Variants in CHDH observed in about 807,000 individuals in gnomAD.
The protein encoded by CHDH is choline dehydrogenase, also known as choline dehydrogenase, mitochondrial.
Under a neutral mutation model 56.9 loss-of-function variants are expected in CHDH, and 43 were observed. The ratio of observed to expected loss-of-function variants is 0.76; its 90% CI spans 0.59 to 0.97. CHDH has a LOEUF of 0.97. Among genes scored for constraint, CHDH ranks in the 50% least tolerant of loss-of-function variants. CHDH has a pLI of 0.00. For synonymous variants in CHDH, 364 were observed against 348.5 expected (o/e 1.04, Z -0.50); for missense variants, 816 against 821.1 (o/e 0.99, Z 0.08).
chr3:53,845,069 G>T (rs1173387433), intron 1 of CHDH, among the ~76,000 whole-genome samples: 1 of 152,266 alleles, frequency 6.6e-6, no homozygotes, highest in Non-Finnish European at 1.5e-5. Context: ...AGCTGAAAAT[G>T]TTCTCAAGGG....
intron 1 of CHDH, among the ~76,000 whole-genome samples, chr3:53,845,858 G>A (rs927171810): frequency 6.6e-6 from 1 of 152,246 alleles, no homozygotes; most frequent in Non-Finnish European, 1.5e-5. Context: ...CACTCCTACC[G>A]CTCTAACCCC....
intron 5 of CHDH, among the ~76,000 whole-genome samples, chr3:53,821,040 A>C (rs1285746400): frequency 6.6e-6 from 1 of 152,202 alleles, no homozygotes; most frequent in Non-Finnish European, 1.5e-5. Flanking sequence ...TCCTTGCATG[A>C]ATTCATCCAA....
At chr3:53,844,156 C>T (rs1698774927) in intron 1 of CHDH, among the ~76,000 whole-genome samples, 1 of 152,196 alleles carries the variant, frequency 6.6e-6, no homozygotes, top group Non-Finnish European at 1.5e-5. Context: ...CCCAGGGGGC[C>T]AGGGCAGTGT....
In CHDH at chr3:53,814,259, T is replaced by G. The variant is rs1364275335; in HGVS notation, c.*3518A>C. ...ATTTCCTAGAAAAGTTGTACTGTTT[T>G]GATAGGCAGCTGGCTGGTTTAGAAA... On this transcript the variant is annotated 3_prime_UTR_variant, in exon 9 of 9. Transcript: ENST00000315251. 6.6e-6 allele frequency: 1 copy of G among 152,240 alleles called. No individual in the cohort carries two copies. The highest frequency in any genetic ancestry group is 1.5e-5 in the Non-Finnish European group (1 of 68,040). The allele number at this position is 152,240 out of a possible 1,614,324, so 9.4% of individuals were successfully genotyped here.
At position 53,813,704 on chromosome 3, in the gene CHDH, C is replaced by T. The variant is rs151143058; in HGVS notation, c.*4073G>A. 5 of 152,260 alleles carry T rather than the reference C, an allele frequency of 3.3e-5. No individual in the cohort carries two copies. The highest frequency in any genetic ancestry group is 7.4e-5 in the Non-Finnish European group (5 of 68,020). 9.4% of individuals were successfully genotyped at this position (152,260 alleles called of 1,614,324 possible). A position where few individuals can be genotyped will look rare whatever the true frequency, so the allele number is the denominator to read the frequency against. ...CTTTAAGCCTGGTTCAACCTCTCAT[C>T]GAATATTAAATTTTTCTTTGTAAGA... is the stretch of plus-strand genomic sequence containing the variant. On this transcript the variant is annotated 3_prime_UTR_variant, in exon 9 of 9. Transcript: ENST00000315251.
chr3:53,820,477 TG>T lies in CHDH; in HGVS notation c.1116del (p.Phe372LeufsTer36). On this transcript the variant is annotated frameshift_variant, in exon 6 of 9. Coordinates refer to ENST00000315251, the MANE Select transcript of CHDH (RefSeq NM_018397.5). LOFTEE classifies it high-confidence loss of function. ...GGTTACTGGTAAGCGTGCTCACCTG[TG>T]AATTTCCAGAGCCACTCCAGACCAA... is the stretch of plus-strand genomic sequence containing the variant. The part of the protein sequence containing the change: ...VCIGLEWLWK[F>X]TGEGATAHLE... 1 of 1,610,972 alleles carries T rather than the reference TG, an allele frequency of 6.2e-7. No homozygotes were observed. Among genetic ancestry groups the T allele is most frequent in the Non-Finnish European group, 8.5e-7 (1 of 1,178,472 alleles).
chr3:53,820,133 CCTTTTCTCCTGGCTCCTT>C (rs2095623425), intron 6 of CHDH, among the ~76,000 whole-genome samples: 1 of 152,202 alleles, frequency 6.6e-6, no homozygotes, highest in South Asian at 2.1e-4. Flanking sequence ...CCTCTCTCCA[CCTTTTCTCCTGGCTCCTT>C]GGACCTCACC....
Position 53,823,527 on chromosome 3 carries a change from G to A in CHDH, c.482C>T (p.Ala161Val), listed in dbSNP as rs1351875014. The A allele has an allele frequency of 8.4e-6, 13 of 1,542,530 alleles. No homozygotes were observed. The highest frequency in any genetic ancestry group is 5.5e-5 in the African/African-American group (4 of 73,074). Residue 161 changes from alanine (A) to valine (V), a missense_variant, in exon 3 of 9, where the codon GCG becomes GTG. By Grantham distance (64) the Ala-to-Val change is moderately conservative. Transcript: ENST00000315251. ...QRQGARGWDY[A>V]HCLPYFRKAQ... ...CTTGCGGAAGTAGGGCAGGCAGTGC[G>A]CGTAGTCCCAGCCGCGGGCGCCCTG...
chr3:53,845,393 C>G (rs961396382), intron 1 of CHDH, among the ~76,000 whole-genome samples: 4 of 152,216 alleles, frequency 2.6e-5, no homozygotes, highest in African/African-American at 9.7e-5. Context: ...TTCCATACCC[C>G]TCTCTAGGCC....
At position 53,841,009 on chromosome 3, in the gene CHDH, A is replaced by G. The variant is rs1205600557; in HGVS notation, c.-130-10T>C. On this transcript the variant is annotated splice_polypyrimidine_tract_variant and intron_variant, in intron 1 of 8. Transcript: ENST00000315251. ...CACTCTTTGTGATTGTCTGAGAGAG[A>G]TAAGTACAGAATCAAAAGTCAGAGG... 3 of 152,034 alleles carry G rather than the reference A, an allele frequency of 2.0e-5. No individual in the cohort carries two copies. Among genetic ancestry groups the G allele is most frequent in the African/African-American group, 4.8e-5 (2 of 41,550 alleles). 9.4% of individuals were successfully genotyped at this position (152,034 alleles called of 1,614,324 possible). A position where few individuals can be genotyped will look rare whatever the true frequency, so the allele number is the denominator to read the frequency against.
chr3:53,819,189 C>G lies in CHDH; in HGVS notation c.1264-149G>C, dbSNP rs2095621362. The stretch of plus-strand genomic sequence containing the variant: ...TAGCATTTGCCCGCATGGTACCCAC[C>G]TCCACGAGTGATTACAGACCACCTC... On this transcript the variant is annotated intron_variant, in intron 7 of 8. Coordinates refer to ENST00000315251, the MANE Select transcript of CHDH (RefSeq NM_018397.5). This position sits in a 1 kb window ranked among gnomAD's most constrained non-coding sequence, Gnocchi z 5.4. 1 of 630,332 alleles carries G rather than the reference C, an allele frequency of 1.6e-6. No individual in the cohort carries two copies. The highest frequency in any genetic ancestry group is 2.8e-6 in the Non-Finnish European group (1 of 359,834). 39.0% of individuals were successfully genotyped at this position (630,332 alleles called of 1,614,324 possible).
At chr3:53,824,735 A>G (rs1350089057) in intron 2 of CHDH, among the ~76,000 whole-genome samples, 1 of 152,178 alleles carries the variant, frequency 6.6e-6, no homozygotes, top group Non-Finnish European at 1.5e-5. Context: ...ATAGCTTTGA[A>G]AGGGCCCTTT....
At chr3:53,818,542 C>CCCAGTGGG (rs1264962790) in intron 8 of CHDH, among the ~76,000 whole-genome samples, 1 of 152,188 alleles carries the variant, frequency 6.6e-6, no homozygotes, top group Non-Finnish European at 1.5e-5. Flanking sequence ...GCAAAACCTG[C>CCCAGTGGG]CCAGTGGGTA....
In CHDH at chr3:53,846,166, A is replaced by C. The variant is rs1698876107; in HGVS notation, c.-214T>G. 6.2e-6 allele frequency: 1 copy of C among 160,400 alleles called. No homozygotes were observed. The highest frequency in any genetic ancestry group is 2.4e-5 in the African/African-American group (1 of 41,738). The allele number at this position is 160,400 out of a possible 1,614,324, so 9.9% of individuals were successfully genotyped here. A position where few individuals can be genotyped will look rare whatever the true frequency, so the allele number is the denominator to read the frequency against. ...CGCGGCCCGGCCCCTGCCCCGCGGCACTTTAACCGGCGGCGCCGGCGCCCC... is the reference window on the plus strand; with the variant it reads ...CGCGGCCCGGCCCCTGCCCCGCGGCCCTTTAACCGGCGGCGCCGGCGCCCC... On this transcript the variant is annotated 5_prime_UTR_variant, in exon 1 of 9. Coordinates refer to ENST00000315251, the MANE Select transcript of CHDH (RefSeq NM_018397.5).
Position 53,846,080 on chromosome 3 carries a change from C to T in CHDH, c.-131+3G>A, listed in dbSNP as rs1698870481. ...TGGTCGGGGCGCCTCCGCGGCTACT[C>T]ACCCGGGGCGACTCGGCCGAGAGCC... On this transcript the variant is annotated splice_donor_region_variant and intron_variant, in intron 1 of 8. Transcript: ENST00000315251. 6.6e-6 allele frequency: 1 copy of T among 152,344 alleles called. No homozygotes were observed. The highest frequency in any genetic ancestry group is 1.5e-5 in the Non-Finnish European group (1 of 68,162). 9.4% of individuals were successfully genotyped at this position (152,344 alleles called of 1,614,324 possible).
In CHDH at chr3:53,823,606, T is replaced by C; in HGVS notation, c.403A>G (p.Asn135Asp). ...GRVWGGSSSL[N>D]AMVYVRGHAE... ...TGCCCACGGACGTAGACCATGGCAT[T>C]GAGGGATGAGGAGCCACCCCAGACG... Residue 135 changes from asparagine (N) to aspartate (D), a missense_variant, in exon 3 of 9, where the codon AAT becomes GAT. Coordinates refer to ENST00000315251, the MANE Select transcript of CHDH (RefSeq NM_018397.5). 6.5e-7 allele frequency: 1 copy of C among 1,543,772 alleles called. No individual in the cohort carries two copies. Among genetic ancestry groups the C allele is most frequent in the Non-Finnish European group, 8.7e-7 (1 of 1,146,316 alleles).
At chr3:53,823,054 C>A (rs1209302553) in intron 3 of CHDH, among the ~76,000 whole-genome samples, 1 of 152,170 alleles carries the variant, frequency 6.6e-6, no homozygotes, top group Non-Finnish European at 1.5e-5. Flanking sequence ...AGAGCTGATT[C>A]TCTGTTATCC....
rs757116821 is a variant in CHDH, at chr3:53,820,583, G to A, written c.1011C>T (p.His337=). 1.9e-6 allele frequency: 3 copies of A among 1,613,682 alleles called. No individual in the cohort carries two copies. The highest frequency in any genetic ancestry group is 2.7e-5 in the African/African-American group (2 of 74,890). The change falls in exon 6 of 9, where the codon CAC becomes CAT. Residue 337 remains histidine, a synonymous_variant. Coordinates refer to ENST00000315251, the MANE Select transcript of CHDH (RefSeq NM_018397.5). The part of the protein sequence containing the change: ...LPGVGQNLQD[H]LEIYIQQACT... ...ATGCCTGCTGAATGTAGATCTCCAG[G>A]TGGTCTTGCAGGTTCTGGCCAACCC... is the stretch of plus-strand genomic sequence containing the variant.
chr3:53,823,325 C>T lies in CHDH; in HGVS notation c.684G>A (p.Met228Ile). The T allele has an allele frequency of 1.3e-6, 2 of 1,580,746 alleles. No homozygotes were observed. The highest frequency in any genetic ancestry group is 2.3e-5 in the South Asian group (2 of 86,746). ...NGFQQEGFGW[M>I]DMTIHEGKRW... is the part of the protein sequence containing the mutation. ...CACTACCTTCATGGATGGTCATGTCCATCCAGCCGAAGCCCTCCTGCTGGA... is the reference window on the plus strand; with the variant it reads ...CACTACCTTCATGGATGGTCATGTCTATCCAGCCGAAGCCCTCCTGCTGGA... Residue 228 changes from methionine to isoleucine, a missense_variant, in exon 3 of 9, where the codon ATG (methionine) becomes ATA (isoleucine). By Grantham distance (10) the Met-to-Ile change is conservative. Coordinates refer to ENST00000315251, the MANE Select transcript of CHDH (RefSeq NM_018397.5).
Sources: allele counts gnomAD v4.1 joint callset (sites outside exome capture counted in the v4.1 genomes callset), GRCh38; gene constraint gnomAD v4.1.1; non-coding constraint Gnocchi (gnomAD v3.1); transcripts MANE v1.5; gene names NCBI Gene and HGNC (gene_info 2026-07-23, HGNC 2026-07-21).